The following SLC22A23 variants were observed in gnomAD, a reference collection of about 807,000 sequenced individuals.
SLC22A23 encodes the protein ion transporter protein.
Under a neutral mutation model 61.0 loss-of-function variants are expected in SLC22A23, and 26 were observed. That is an observed-to-expected ratio of 0.43 (90% CI 0.31 to 0.59). The LOEUF is 0.59. SLC22A23 is among the 20% of genes least tolerant of loss of function. The probability of loss-of-function intolerance (pLI) is 0.11; values close to 1 mark genes in which losing one functional copy is unlikely to be tolerated. For synonymous variants in SLC22A23, 430 were observed against 413.9 expected (o/e 1.04, Z -0.47); for missense variants, 796 against 934.7 (o/e 0.85, Z 1.94).
chr6:3,323,654 T>C lies in SLC22A23; in HGVS notation c.1082+180A>G, dbSNP rs1763098306. 7 of 749,792 alleles carry C rather than the reference T, an allele frequency of 9.3e-6. No individual in the cohort carries two copies. In the Admixed American group the frequency reaches 2.1e-4, roughly 22 times the overall value. 46.4% of individuals were successfully genotyped at this position (749,792 alleles called of 1,614,324 possible). ...TCTATTTTTGTGTATATTTGAACAG[T>C]TTTCCAAGACAGAAAGTTTAAACAA... On this transcript the variant is annotated intron_variant, in intron 4 of 9. Transcript: ENST00000406686.
intron 1 of SLC22A23, among the ~76,000 whole-genome samples, chr6:3,450,793 T>C (rs1772124861): frequency 6.6e-6 from 1 of 152,206 alleles, no homozygotes; most frequent in Non-Finnish European, 1.5e-5. Context: ...ATTTCAAAAG[T>C]GAAAACTAGT....
In SLC22A23 at chr6:3,456,201, A is replaced by G; in HGVS notation, c.359T>C (p.Leu120Pro). 6.4e-7 allele frequency: 1 copy of G among 1,551,210 alleles called. No homozygotes were observed. The highest frequency in any genetic ancestry group is 8.7e-7 in the Non-Finnish European group (1 of 1,146,826). ...IGFSQFSDSF[L>P]LDQPNFWCRG... ...GCACCAGAAGTTGGGCTGGTCCAGG[A>G]GGAACGAGTCCGAGAACTGGCTGAA... Residue 120 changes from leucine to proline, a missense_variant, in exon 1 of 10, where the codon CTC becomes CCC. Coordinates refer to ENST00000406686, the MANE Select transcript of SLC22A23 (RefSeq NM_015482.2). This position sits in a 1 kb window ranked among gnomAD's most constrained non-coding sequence, Gnocchi z 7.1.
At chr6:3,316,067 C>T (rs929000262) in intron 4 of SLC22A23, among the ~76,000 whole-genome samples, 2 of 152,166 alleles carry the variant, frequency 1.3e-5, no homozygotes, top group African/African-American at 4.8e-5. Context: ...TTTTATTCAG[C>T]AGGCCTGGGG....
At position 3,271,175 on chromosome 6, in the gene SLC22A23, T is replaced by A. The variant is rs1758449262; in HGVS notation, c.*1880A>T. Reference sequence around the variant, plus strand: ...GCACAGATCTAAAGAAAGGCCTTTGTAAAGGTGAATGCAAACTAATGTTGA... The same window carrying A: ...GCACAGATCTAAAGAAAGGCCTTTGAAAAGGTGAATGCAAACTAATGTTGA... On this transcript the variant is annotated 3_prime_UTR_variant, in exon 10 of 10. Coordinates refer to ENST00000406686, the MANE Select transcript of SLC22A23 (RefSeq NM_015482.2). 1 of 152,382 alleles carries A rather than the reference T, an allele frequency of 6.6e-6. No homozygotes were observed. The highest frequency in any genetic ancestry group is 2.1e-4 in the South Asian group (1 of 4,830). The allele number at this position is 152,382 out of a possible 1,614,324, so 9.4% of individuals were successfully genotyped here.
At position 3,283,932 on chromosome 6, in the gene SLC22A23, G is replaced by A. The variant is rs766752252; in HGVS notation, c.1623C>T (p.Ser541=). Residue 541 remains serine, a synonymous_variant, in exon 9 of 10, where the codon TCC becomes TCT. Coordinates refer to ENST00000406686, the MANE Select transcript of SLC22A23 (RefSeq NM_015482.2). The stretch of plus-strand genomic sequence containing the variant: ...CATGGGAGGCAAACATGCCCACGAT[G>A]GAAAACGCGATGGAAAATTTGTCCT... ...SVKDKFSIAF[S]IVGMFASHAV... is the part of the protein sequence containing the mutation. The A allele has an allele frequency of 9.9e-6, 16 of 1,608,818 alleles. 1 individual carries two copies. The Middle Eastern group carries it at 2.3e-3, about 233-fold the overall frequency.
intron 9 of SLC22A23, among the ~76,000 whole-genome samples, chr6:3,280,999 G>A (rs1428004986): frequency 1.3e-5 from 2 of 152,188 alleles, no homozygotes; most frequent in Non-Finnish European, 1.5e-5. Flanking sequence ...GGCAGGGCAG[G>A]AGAAAACAGG....
intron 3 of SLC22A23, among the ~76,000 whole-genome samples, chr6:3,351,367 A>T (rs140031021): frequency 9.8e-5 from 15 of 152,298 alleles, no homozygotes; most frequent in African/African-American, 3.4e-4. Context: ...GGGCGAAGGA[A>T]AAGGGTTGGG....
Position 3,273,067 on chromosome 6 carries a change from C to G in SLC22A23, c.2049G>C (p.Met683Ile), listed in dbSNP as rs1353180441. 1 of 1,565,080 alleles carries G rather than the reference C, an allele frequency of 6.4e-7. No individual in the cohort carries two copies. The highest frequency in any genetic ancestry group is 8.6e-7 in the Non-Finnish European group (1 of 1,156,916). The change falls in exon 10 of 10, where the codon ATG becomes ATC. Residue 683 changes from methionine (M) to isoleucine (I), a missense_variant. By Grantham distance (10) the Met-to-Ile change is conservative. Coordinates refer to ENST00000406686, the MANE Select transcript of SLC22A23 (RefSeq NM_015482.2). The part of the protein sequence containing the change: ...TLPEGATANG[M>I]KAM ...TCCGCAGGCCGGGCTACATGGCCTT[C>G]ATGCCGTTGGCCGTGGCACCCTCGG...
intron 9 of SLC22A23, chr6:3,283,528 G>A: frequency 2.8e-6 from 1 of 357,278 alleles, no homozygotes; most frequent in Non-Finnish European, 5.5e-6. Context: ...CACAGGTTCT[G>A]GTGGAAGTGC....
At chr6:3,294,507 C>T (rs371333731) in intron 5 of SLC22A23, among the ~76,000 whole-genome samples, 108 of 152,308 alleles carry the variant, frequency 7.1e-4, no homozygotes, top group Non-Finnish European at 1.3e-3. Flanking sequence ...CTTCTGGTCC[C>T]GAGCATTCTG....
intron 3 of SLC22A23, among the ~76,000 whole-genome samples, chr6:3,371,321 T>C (rs895550998): frequency 6.6e-6 from 1 of 152,210 alleles, no homozygotes; most frequent in South Asian, 2.1e-4. Context: ...AAAGTCACCA[T>C]AGAAAATATA....
intron 6 of SLC22A23, 134 bp downstream of exon 6, chr6:3,289,630 G>T: frequency 1.4e-6 from 1 of 707,118 alleles, no homozygotes; most frequent in Non-Finnish European, 2.3e-6. Context: ...CTTCTAGCCC[G>T]TGTCACTCTT....
chr6:3,290,037 A>G, intron 5 of SLC22A23, 171 bp from the exon 6 acceptor site: 1 of 647,464 alleles, frequency 1.5e-6, no homozygotes, highest in Non-Finnish European at 2.7e-6. Context: ...CAGGATAGAA[A>G]GGCACTCATA....
intron 1 of SLC22A23, among the ~76,000 whole-genome samples, chr6:3,445,924 A>G (rs984657894): frequency 1.3e-5 from 2 of 152,038 alleles, no homozygotes; most frequent in Non-Finnish European, 2.9e-5. Context: ...CAAGCAGGGA[A>G]GTGATGTGGG....
At position 3,284,916 on chromosome 6, in the gene SLC22A23, G is replaced by C. The variant is rs553938823; in HGVS notation, c.1579+163C>G. The C allele has an allele frequency of 1.4e-4, 218 of 1,539,662 alleles. 1 individual carries two copies. In the South Asian group the frequency reaches 2.3e-3, roughly 16 times the overall value. On this transcript the variant is annotated intron_variant, in intron 8 of 9. Transcript: ENST00000406686. ...TAGAGGCAAGAGGGAGAATACAAAT[G>C]TATCCGTATAGTGTCCAACCTACGG...
intron 4 of SLC22A23, 60 bp downstream of exon 4, chr6:3,323,774 G>A (rs779480290): frequency 4.4e-5 from 68 of 1,540,236 alleles, no homozygotes; most frequent in Middle Eastern, 1.9e-4. Flanking sequence ...GCCCGGGGCC[G>A]GGCCTTCAGG....
intron 1 of SLC22A23, among the ~76,000 whole-genome samples, chr6:3,447,937 C>T (rs1283323492): frequency 1.6e-5 from 2 of 125,328 alleles, no homozygotes; most frequent in Non-Finnish European, 3.2e-5. Flanking sequence ...GAGTCTCACT[C>T]TGTTGCCCAG....
rs1379734859 is a variant in SLC22A23 at position 3,271,939 on chromosome 6, C to T, written c.*1116G>A. On this transcript the variant is annotated 3_prime_UTR_variant, in exon 10 of 10. Coordinates refer to ENST00000406686, the MANE Select transcript of SLC22A23 (RefSeq NM_015482.2). The stretch of plus-strand genomic sequence containing the variant: ...CTCCGCTCCCTGCCCGAAGCCCCAC[C>T]TCTGTGCTATGCGAGTGACTGCAAG... The T allele has an allele frequency of 6.6e-6, 1 of 152,462 alleles. No homozygotes were observed. The highest frequency in any genetic ancestry group is 1.5e-5 in the Non-Finnish European group (1 of 68,144). The allele number at this position is 152,462 out of a possible 1,614,324, so 9.4% of individuals were successfully genotyped here.
intron 9 of SLC22A23, among the ~76,000 whole-genome samples, chr6:3,280,512 T>TTTTTCC (rs781526188): frequency 0.05 from 4,939 of 98,226 alleles, 440 homozygotes; most frequent in Non-Finnish European, 0.076. Flanking sequence ...TTTTTTTTTT[T>TTTTTCC]TGAGATGGAG....
Sources: allele counts gnomAD v4.1 joint callset (sites outside exome capture counted in the v4.1 genomes callset), GRCh38; gene constraint gnomAD v4.1.1; non-coding constraint Gnocchi (gnomAD v3.1); transcripts MANE v1.5; gene names NCBI Gene and HGNC (gene_info 2026-07-23, HGNC 2026-07-21).